The following PHACTR1 variants were observed in gnomAD, a reference collection of about 807,000 sequenced individuals.
PHACTR1 encodes the protein phosphatase and actin regulator 1.
In PHACTR1, 16 loss-of-function variants were observed where a neutral mutation model predicts 69.2. The observed-to-expected ratio is 0.23, with a 90% confidence interval of 0.16 to 0.35. The LOEUF is 0.35. Ranked by LOEUF, PHACTR1 falls within the 10% of genes least tolerant of loss-of-function variation. The pLI, the probability that PHACTR1 is intolerant of heterozygous loss-of-function variation, is 1.00. For missense variants in PHACTR1, 510 were observed against 734.7 expected (o/e 0.69, Z 3.54); for synonymous variants, 312 against 284.5 (o/e 1.10, Z -0.97).
intron 10 of PHACTR1, among the ~76,000 whole-genome samples, chr6:13,248,790 C>T (rs1040249953): frequency 6.6e-6 from 1 of 152,238 alleles, no homozygotes; most frequent in South Asian, 2.1e-4. Flanking sequence ...GCAGAGCTAC[C>T]AAAAATCTAA....
intron 4 of PHACTR1, among the ~76,000 whole-genome samples, chr6:12,783,119 A>G (rs1771041956): frequency 6.6e-6 from 1 of 152,214 alleles, no homozygotes; most frequent in Admixed American, 6.5e-5. Context: ...GGCTGTCAAC[A>G]GCCTGTTGCT....
chr6:13,137,200 T>C (rs573084585), intron 5 of PHACTR1, among the ~76,000 whole-genome samples: 1 of 152,354 alleles, frequency 6.6e-6, no homozygotes, highest in East Asian at 1.9e-4. Flanking sequence ...CAGCTTGAGT[T>C]AATCAATGAA....
chr6:12,721,298 C>T lies in PHACTR1; in HGVS notation c.103+2451C>T, dbSNP rs968011086. Among the ~76,000 whole-genome samples the T allele has an allele frequency of 6.6e-5, 10 of 151,904 alleles. No individual in the cohort carries two copies. The South Asian group carries it at 1.5e-3, about 22-fold the overall frequency. On this transcript the variant is annotated intron_variant, in intron 3 of 14. Transcript: ENST00000332995. ...ACTCGGGAGGCTAAGGTAGGAGAAT[C>T]GCTTGAACCTGGGAGGCGGAGGTTG...
intron 4 of PHACTR1, among the ~76,000 whole-genome samples, chr6:12,886,186 A>G (rs545056567): frequency 3.3e-5 from 5 of 152,204 alleles, no homozygotes; most frequent in Admixed American, 3.3e-4. Context: ...ATATTGGCTC[A>G]TTGTTGCCTT....
At chr6:13,022,940 C>T (rs1304280199) in intron 4 of PHACTR1, among the ~76,000 whole-genome samples, 1 of 151,896 alleles carries the variant, frequency 6.6e-6, no homozygotes, top group Non-Finnish European at 1.5e-5. Flanking sequence ...TCACCTGAGC[C>T]CAGGAGGCAA....
At chr6:13,034,106 C>T (rs986004650) in intron 4 of PHACTR1, among the ~76,000 whole-genome samples, 5 of 151,980 alleles carry the variant, frequency 3.3e-5, no homozygotes, top group African/African-American at 4.8e-5. Context: ...AGGCTCCGCC[C>T]CCTGGGGTTC....
chr6:12,784,291 C>A (rs1771216716), intron 4 of PHACTR1, among the ~76,000 whole-genome samples: 1 of 151,328 alleles, frequency 6.6e-6, no homozygotes, highest in Admixed American at 6.6e-5. Flanking sequence ...TATACATGCA[C>A]ACACAGATAT....
intron 4 of PHACTR1, among the ~76,000 whole-genome samples, chr6:13,003,530 A>AT (rs903098443): frequency 2.0e-5 from 3 of 151,574 alleles, no homozygotes; most frequent in African/African-American, 4.8e-5. Flanking sequence ...TCTTCCAGGA[A>AT]TTTTTTTTTC....
intron 4 of PHACTR1, among the ~76,000 whole-genome samples, chr6:12,860,071 T>C (rs543251650): frequency 2.7e-4 from 41 of 152,162 alleles, no homozygotes; most frequent in African/African-American, 9.2e-4. Flanking sequence ...GTTACATAGG[T>C]ATACATGTGC....
At chr6:12,830,584 CAA>C (rs34750996) in intron 4 of PHACTR1, among the ~76,000 whole-genome samples, 167 of 142,662 alleles carry the variant, frequency 1.2e-3, no homozygotes, top group African/African-American at 3.9e-3. Flanking sequence ...TTTTAATTTT[CAA>C]AAAAAAAAAA....
intron 12 of PHACTR1, chr6:13,280,975 G>T (rs993969039): frequency 3.1e-6 from 4 of 1,289,362 alleles, no homozygotes; most frequent in Non-Finnish European, 4.0e-6. Context: ...GCTGGGGTCC[G>T]TGCACCAACT....
chr6:12,949,521 G>T (rs543809544), intron 4 of PHACTR1, among the ~76,000 whole-genome samples: 1 of 152,246 alleles, frequency 6.6e-6, no homozygotes, highest in African/African-American at 2.4e-5. Context: ...CCTGGAGGAG[G>T]TGAGTCTCTG....
At chr6:12,741,975 C>A (rs1231810235) in intron 3 of PHACTR1, among the ~76,000 whole-genome samples, 2 of 151,942 alleles carry the variant, frequency 1.3e-5, no homozygotes, top group East Asian at 1.9e-4. Flanking sequence ...ACTTGCTTAT[C>A]TTTTTTAAAA....
intron 10 of PHACTR1, among the ~76,000 whole-genome samples, chr6:13,255,970 C>A (rs1433300674): frequency 6.6e-6 from 1 of 152,232 alleles, no homozygotes; most frequent in Admixed American, 6.5e-5. Context: ...GGGGCTCCAA[C>A]CCCACATTTT....
chr6:12,989,268 A>G (rs181597789), intron 4 of PHACTR1, among the ~76,000 whole-genome samples: 2 of 152,362 alleles, frequency 1.3e-5, no homozygotes, highest in East Asian at 3.9e-4. Context: ...TGCTTTCCAC[A>G]GAGTCTCAAA....
chr6:12,916,254 G>GT (rs1786980702), intron 4 of PHACTR1, among the ~76,000 whole-genome samples: 2 of 152,114 alleles, frequency 1.3e-5, no homozygotes, highest in African/African-American at 4.8e-5. Flanking sequence ...TCATCTTTCA[G>GT]TTCCCATCAG....
rs1021767808 is a variant in PHACTR1, at chr6:13,145,025, G to A, written c.416-15179G>A. On this transcript the variant is annotated intron_variant, in intron 5 of 14. Transcript: ENST00000332995. ...AAAAATTACTGTTGCAATGAAATAG[G>A]CTCTGTAAAATAAATGATGCTTAAT... 3.3e-5 allele frequency among the ~76,000 whole-genome samples: 5 copies of A among 152,226 alleles called. No individual in the cohort carries two copies. In the East Asian group the frequency reaches 9.7e-4, roughly 29 times the overall value.
At chr6:13,085,379 T>C (rs1357077867) in intron 5 of PHACTR1, among the ~76,000 whole-genome samples, 1 of 152,054 alleles carries the variant, frequency 6.6e-6, no homozygotes, top group Non-Finnish European at 1.5e-5. Flanking sequence ...AAAACATACT[T>C]TAAACATAAG....
At position 12,883,997 on chromosome 6, in the gene PHACTR1, TACAC is replaced by T. The variant is rs1783375979; in HGVS notation, c.250+134211_250+134214del. ...CCACATACACACACATACACAAATA[TACAC>T]ACATAACCACACACATGTAGCCACA... On this transcript the variant is annotated intron_variant, in intron 4 of 14. Transcript: ENST00000332995. Among the ~76,000 whole-genome samples, 4 of 149,746 alleles carry T rather than the reference TACAC, an allele frequency of 2.7e-5. No homozygotes were observed. In the South Asian group the frequency reaches 8.6e-4, roughly 32 times the overall value.
Sources: gnomAD v4.1 joint callset for allele counts (sites outside exome capture counted in the v4.1 genomes callset) on GRCh38, gnomAD v4.1.1 for gene constraint, MANE v1.5 for transcripts, NCBI Gene and HGNC (gene_info 2026-07-23, HGNC 2026-07-21) for gene names.